CUL3: variants seen among roughly 807,000 people sequenced by gnomAD.
CUL3 encodes the protein cullin-3.
Under a neutral mutation model 89.1 loss-of-function variants are expected in CUL3, and 19 were observed. The ratio of observed to expected loss-of-function variants is 0.21; its 90% CI spans 0.15 to 0.31. The LOEUF (loss-of-function observed/expected upper bound fraction) is 0.31, where lower values mean the gene tolerates loss of function less well. CUL3 is among the 10% of genes least tolerant of loss of function. The pLI is 1.00. For missense variants in CUL3, 469 were observed against 942.3 expected (o/e 0.50, Z 6.58); for synonymous variants, 351 against 308.4 (o/e 1.14, Z -1.45).
intron 15 of CUL3, among the ~76,000 whole-genome samples, chr2:224,476,829 T>TG (rs1004755663): frequency 1.5e-4 from 23 of 152,242 alleles, no homozygotes; most frequent in Non-Finnish European, 2.6e-4. Flanking sequence ...CCTCCCATTT[T>TG]GGGGGGGAAA....
intron 1 of CUL3, among the ~76,000 whole-genome samples, chr2:224,580,137 T>C (rs1159724574): frequency 6.6e-6 from 1 of 152,244 alleles, no homozygotes; most frequent in East Asian, 1.9e-4. Context: ...TTTGTGGTCC[T>C]TGTTCCTCTG....
rs894198536 is a variant in CUL3, at chr2:224,497,776, T to C, written c.1684A>G (p.Thr562Ala). 2 of 1,613,654 alleles carry C rather than the reference T, an allele frequency of 1.2e-6. No homozygotes were observed. Among genetic ancestry groups the C allele is most frequent in the Non-Finnish European group, 1.7e-6 (2 of 1,179,684 alleles). Residue 562 changes from threonine (T) to alanine (A), a missense_variant, in exon 12 of 16, where the codon ACA (threonine) becomes GCA (alanine). Thr to Ala is a moderately conservative substitution (Grantham distance 58). Around this residue, in one of 4 missense-constraint regions of CUL3, gnomAD observed 370 missense variants for 733.2 expected, o/e 0.50. Coordinates refer to ENST00000264414, the MANE Select transcript of CUL3 (RefSeq NM_003590.5). ...HHMGSADLNA[T>A]FYGPVKKEDG... ...ACCTTTTTAACTGGTCCATAAAATG[T>C]GGCATTGAGATCTGCAGAACCCATA...
intron 13 of CUL3, among the ~76,000 whole-genome samples, chr2:224,484,749 T>C (rs1041399182): frequency 6.6e-6 from 1 of 152,210 alleles, no homozygotes; most frequent in African/African-American, 2.4e-5. Flanking sequence ...ATGTGATCCA[T>C]GGAATTGAGG....
At chr2:224,543,571 G>A (rs930870537) in intron 2 of CUL3, among the ~76,000 whole-genome samples, 19 of 151,974 alleles carry the variant, frequency 1.3e-4, no homozygotes, top group African/African-American at 2.9e-4. Flanking sequence ...TCAGATTTTC[G>A]GTTTTTTCAG....
intron 3 of CUL3, among the ~76,000 whole-genome samples, chr2:224,531,435 TAAA>T (rs56899563): frequency 6.8e-6 from 1 of 148,134 alleles, no homozygotes; most frequent in East Asian, 2.0e-4. Flanking sequence ...GTAGTTTATT[TAAA>T]AAAAAAAACA....
At chr2:224,543,840 C>G (rs1373273387) in intron 2 of CUL3, among the ~76,000 whole-genome samples, 1 of 151,980 alleles carries the variant, frequency 6.6e-6, no homozygotes, top group African/African-American at 2.4e-5. Context: ...AAACAATTAG[C>G]TGGGGGTGGT....
At chr2:224,564,951 T>C (rs1695004805) in intron 1 of CUL3, among the ~76,000 whole-genome samples, 1 of 152,200 alleles carries the variant, frequency 6.6e-6, no homozygotes. Flanking sequence ...TTCTTATCTC[T>C]CATCTCCTTC....
At chr2:224,530,925 A>G (rs988705037) in intron 3 of CUL3, among the ~76,000 whole-genome samples, 17 of 152,180 alleles carry the variant, frequency 1.1e-4, no homozygotes, top group African/African-American at 4.1e-4. Context: ...AAACCAAACA[A>G]ACAAAAAAAC....
intron 3 of CUL3, among the ~76,000 whole-genome samples, chr2:224,519,235 A>G (rs1252607121): frequency 6.6e-6 from 1 of 152,266 alleles, no homozygotes; most frequent in African/African-American, 2.4e-5. Flanking sequence ...GGCTATGTAT[A>G]TAAGGTGTAT....
At chr2:224,529,762 T>C (rs745454219) in intron 3 of CUL3, among the ~76,000 whole-genome samples, 1 of 152,102 alleles carries the variant, frequency 6.6e-6, no homozygotes, top group Non-Finnish European at 1.5e-5. Flanking sequence ...ACATGTTCCA[T>C]CAAGAGAGAT....
At chr2:224,489,647 T>G (rs1691879072) in intron 13 of CUL3, among the ~76,000 whole-genome samples, 1 of 152,232 alleles carries the variant, frequency 6.6e-6, no homozygotes, top group Non-Finnish European at 1.5e-5. Context: ...ATGGCCATAC[T>G]GCCCAAAGTA....
intron 3 of CUL3, among the ~76,000 whole-genome samples, chr2:224,519,271 T>C (rs1478858256): frequency 6.6e-6 from 1 of 152,226 alleles, no homozygotes; most frequent in African/African-American, 2.4e-5. Context: ...ATTTTATGTT[T>C]AGCACATGGG....
Position 224,500,446 on chromosome 2 carries a change from C to T in CUL3, c.1527G>A (p.Thr509=), listed in dbSNP as rs577630608. 14 of 1,613,502 alleles carry T rather than the reference C, an allele frequency of 8.7e-6. No homozygotes were observed. Among genetic ancestry groups the T allele is most frequent in the African/African-American group, 2.7e-5 (2 of 74,756 alleles). Reference sequence around the variant, plus strand: ...CTGACTGAGTGGGCCAATATCCTGTCGTGAGCACCCGGACTGTAAGATCAA... The same window carrying T: ...CTGACTGAGTGGGCCAATATCCTGTTGTGAGCACCCGGACTGTAAGATCAA... ...GGVDLTVRVL[T]TGYWPTQSAT... The change falls in exon 11 of 16, where the codon ACG becomes ACA. Residue 509 remains threonine, a synonymous_variant. Transcript: ENST00000264414.
intron 2 of CUL3, among the ~76,000 whole-genome samples, chr2:224,537,798 T>C (rs113494406): frequency 3.4e-4 from 52 of 152,314 alleles, no homozygotes; most frequent in Middle Eastern, 3.4e-3. Flanking sequence ...TTAAGTTAAA[T>C]GTTAACTACA....
intron 2 of CUL3, among the ~76,000 whole-genome samples, chr2:224,551,560 C>G (rs1039362986): frequency 1.4e-5 from 2 of 147,510 alleles, no homozygotes; most frequent in Non-Finnish European, 3.0e-5. Context: ...TCAGGCTGGT[C>G]TCAAAACTGC....
At chr2:224,479,789 T>G (rs1691462321) in intron 14 of CUL3, 1 of 152,190 alleles carries the variant, frequency 6.6e-6, no homozygotes, top group South Asian at 2.1e-4. Context: ...TTATAGTGCT[T>G]TTCACTTTCT....
chr2:224,494,091 T>C (rs1489215010), intron 13 of CUL3, among the ~76,000 whole-genome samples: 1 of 152,208 alleles, frequency 6.6e-6, no homozygotes, highest in Non-Finnish European at 1.5e-5. Context: ...CCTTTAAATA[T>C]ATCACATAAA....
At chr2:224,515,645 C>T (rs1173545748) in intron 3 of CUL3, among the ~76,000 whole-genome samples, 4 of 152,042 alleles carry the variant, frequency 2.6e-5, no homozygotes, top group African/African-American at 7.3e-5. Flanking sequence ...ATGAACAGAG[C>T]TCTACCATAT....
At chr2:224,584,912 C>T in intron 1 of CUL3, 32 bp downstream of exon 1, 2 of 1,445,024 alleles carry the variant, frequency 1.4e-6, no homozygotes, top group Non-Finnish European at 1.8e-6. Context: ...GGCCCCCGGC[C>T]CCGGGGTCCC....
Sources: allele counts gnomAD v4.1 joint callset (sites outside exome capture counted in the v4.1 genomes callset), GRCh38; gene constraint gnomAD v4.1.1; regional missense constraint gnomAD v4.1.1; transcripts MANE v1.5; gene names NCBI Gene and HGNC (gene_info 2026-07-23, HGNC 2026-07-21).